Variants in ATF2 observed in about 807,000 individuals in gnomAD.
The protein encoded by ATF2 is cyclic AMP-dependent transcription factor ATF-2.
ATF2 carries 24 observed loss-of-function variants against 60.6 expected under a neutral mutation model. That is an observed-to-expected ratio of 0.40 (90% CI 0.29 to 0.56). The LOEUF (loss-of-function observed/expected upper bound fraction) is 0.56, where lower values mean the gene tolerates loss of function less well. ATF2 is among the 20% of genes least tolerant of loss of function. The pLI is 0.54. For missense variants in ATF2, 433 were observed against 607.7 expected (o/e 0.71, Z 3.02); for synonymous variants, 206 against 215.4 (o/e 0.96, Z 0.38).
At chr2:175,081,326 A>G (rs1237604062) in intron 12 of ATF2, among the ~76,000 whole-genome samples, 1 of 152,182 alleles carries the variant, frequency 6.6e-6, no homozygotes, top group African/African-American at 2.4e-5. Flanking sequence ...TAACATTTAA[A>G]TGGCTTAGCT....
chr2:175,074,805 A>G lies in ATF2; in HGVS notation c.1322T>C (p.Ile441Thr). ...TADKDDSSED[I>T]SVPSSPHTEA... ...TGTATGTGGACTACTCGGCACTGAA[A>G]TGTCTTCTGAACTATCATCTTTATC... Residue 441 changes from isoleucine (I) to threonine (T), a missense_variant, in exon 14 of 14, where the codon ATT becomes ACT. Physicochemically the swap from Ile to Thr is moderately conservative, Grantham distance 89. Around this residue, in one of 5 missense-constraint regions of ATF2, gnomAD observed 114 missense variants for 104.0 expected, o/e 1.10. Coordinates refer to ENST00000264110, the MANE Select transcript of ATF2 (RefSeq NM_001880.4). 2 of 1,613,534 alleles carry G rather than the reference A, an allele frequency of 1.2e-6. No individual in the cohort carries two copies. Among genetic ancestry groups the G allele is most frequent in the South Asian group, 2.2e-5 (2 of 91,080 alleles).
At chr2:175,134,228 A>T (rs1697960685) in intron 3 of ATF2, among the ~76,000 whole-genome samples, 1 of 152,196 alleles carries the variant, frequency 6.6e-6, no homozygotes, top group South Asian at 2.1e-4. Context: ...GTAGGTATTA[A>T]AAGTAATCTA....
chr2:175,078,036 C>T (rs969097714), intron 13 of ATF2, among the ~76,000 whole-genome samples: 1 of 152,206 alleles, frequency 6.6e-6, no homozygotes, highest in East Asian at 1.9e-4. Flanking sequence ...GGCACGATCA[C>T]AGCTCACTGC....
chr2:175,135,587 C>G (rs1320042805), intron 3 of ATF2, among the ~76,000 whole-genome samples: 1 of 152,152 alleles, frequency 6.6e-6, no homozygotes, highest in East Asian at 1.9e-4. Context: ...CTGGTCTCCT[C>G]AACAAGTAAA....
At chr2:175,080,492 T>G (rs1271396654) in intron 13 of ATF2, 168 bp downstream of exon 13, 2 of 455,374 alleles carry the variant, frequency 4.4e-6, no homozygotes, top group Non-Finnish European at 7.5e-6. Context: ...CTCTAGATTC[T>G]AAAAAATTAT....
At chr2:175,158,128 C>A (rs988657374) in intron 1 of ATF2, among the ~76,000 whole-genome samples, 4 of 151,958 alleles carry the variant, frequency 2.6e-5, no homozygotes, top group African/African-American at 7.3e-5. Context: ...TTGGGAATAG[C>A]AAAGTGGTCA....
chr2:175,143,628 T>C (rs558512261), intron 2 of ATF2, among the ~76,000 whole-genome samples: 1 of 152,354 alleles, frequency 6.6e-6, no homozygotes, highest in South Asian at 2.1e-4. Context: ...AAAGACCTCA[T>C]TTCTTAATAC....
chr2:175,115,867 T>C (rs116514062), intron 7 of ATF2, among the ~76,000 whole-genome samples: 150 of 152,300 alleles, frequency 9.8e-4, no homozygotes, highest in African/African-American at 3.5e-3. Context: ...TCAGTTAATT[T>C]AGACAGCATA....
At chr2:175,107,334 T>C (rs538135188) in intron 10 of ATF2, among the ~76,000 whole-genome samples, 3 of 152,300 alleles carry the variant, frequency 2.0e-5, no homozygotes, top group African/African-American at 7.2e-5. Flanking sequence ...CTGGTAGGAA[T>C]GTAAACCTTT....
intron 12 of ATF2, among the ~76,000 whole-genome samples, chr2:175,088,023 G>A (rs1694286311): frequency 6.6e-6 from 1 of 152,106 alleles, no homozygotes. Context: ...CATAATGACA[G>A]AATGAAAAAT....
chr2:175,126,654 C>T (rs1697358820), intron 4 of ATF2: 1 of 152,126 alleles, frequency 6.6e-6, no homozygotes, highest in African/African-American at 2.4e-5. Context: ...AATTGTAATG[C>T]TTTTATTTAA....
chr2:175,124,118 A>G (rs1168728383), intron 4 of ATF2, among the ~76,000 whole-genome samples: 2 of 151,888 alleles, frequency 1.3e-5, no homozygotes, highest in East Asian at 1.9e-4. Context: ...AAAAATATCT[A>G]TATTACTAGC....
intron 10 of ATF2, among the ~76,000 whole-genome samples, chr2:175,110,118 C>T (rs916206268): frequency 2.6e-5 from 4 of 152,172 alleles, no homozygotes; most frequent in South Asian, 4.2e-4. Flanking sequence ...GGGGGGATCA[C>T]GAGGTCAGGA....
intron 13 of ATF2, among the ~76,000 whole-genome samples, chr2:175,075,764 A>G (rs1693247656): frequency 6.6e-6 from 1 of 152,194 alleles, no homozygotes; most frequent in South Asian, 2.1e-4. Flanking sequence ...CACCAAAGGT[A>G]ATCACCACTC....
chr2:175,109,524 T>G (rs1386042873), intron 10 of ATF2, among the ~76,000 whole-genome samples: 1 of 152,228 alleles, frequency 6.6e-6, no homozygotes, highest in East Asian at 1.9e-4. Context: ...AAACAGTTAT[T>G]CAGGTTAAGT....
chr2:175,108,262 G>C (rs1442454092), intron 10 of ATF2, among the ~76,000 whole-genome samples: 1 of 151,228 alleles, frequency 6.6e-6, no homozygotes. Context: ...CCCAGCAGCC[G>C]CCCCGTCTGG....
chr2:175,093,366 C>A, intron 11 of ATF2, 99 bp from the exon 12 acceptor site: 1 of 1,230,416 alleles, frequency 8.1e-7, no homozygotes, highest in South Asian at 1.4e-5. Context: ...ACTGTATTTT[C>A]TAAGTCTTGT....
At chr2:175,156,006 T>C (rs1240029763) in intron 1 of ATF2, among the ~76,000 whole-genome samples, 4 of 152,172 alleles carry the variant, frequency 2.6e-5, no homozygotes, top group African/African-American at 4.8e-5. Context: ...AAGATGTCCA[T>C]ACCCTAATCC....
At chr2:175,094,839 G>A (rs1463729089) in intron 11 of ATF2, among the ~76,000 whole-genome samples, 1 of 152,078 alleles carries the variant, frequency 6.6e-6, no homozygotes, top group Non-Finnish European at 1.5e-5. Context: ...TACTCAAGAG[G>A]CTGAGGTGGG....
Sources: allele counts gnomAD v4.1 joint callset (sites outside exome capture counted in the v4.1 genomes callset), GRCh38; gene constraint gnomAD v4.1.1; regional missense constraint gnomAD v4.1.1; transcripts MANE v1.5; gene names NCBI Gene and HGNC (gene_info 2026-07-23, HGNC 2026-07-21).